The following CDK14 variants were observed in gnomAD, a reference collection of about 807,000 sequenced individuals.
CDK14 encodes cyclin dependent kinase 14, also known as cyclin-dependent kinase 14.
In CDK14, 34 loss-of-function variants were observed where a neutral mutation model predicts 60.7. The observed-to-expected ratio is 0.56, with a 90% confidence interval of 0.43 to 0.75. CDK14 has a LOEUF of 0.75. Ranked by LOEUF, CDK14 falls within the 30% of genes least tolerant of loss-of-function variation. The pLI is 0.00. For missense variants in CDK14, 482 were observed against 564.1 expected (o/e 0.85, Z 1.47); for synonymous variants, 197 against 203.7 (o/e 0.97, Z 0.28).
At chr7:90,672,536 T>TTTTTTTTTTTTTTTTA (rs1563039673) in intron 2 of CDK14, among the ~76,000 whole-genome samples, 1 of 101,726 alleles carries the variant, frequency 9.8e-6, no homozygotes, top group Non-Finnish European at 1.9e-5. Flanking sequence ...TTTTTTTTTT[T>TTTTTTTTTTTTTTTTA]AATAATTTGG....
chr7:90,701,717 A>G (rs763031405), intron 2 of CDK14, among the ~76,000 whole-genome samples: 1 of 152,196 alleles, frequency 6.6e-6, no homozygotes, highest in Non-Finnish European at 1.5e-5. Flanking sequence ...GTGGCTAAAG[A>G]AAGAAATAGA....
chr7:90,677,930 G>A (rs929730779), intron 2 of CDK14, among the ~76,000 whole-genome samples: 1 of 152,232 alleles, frequency 6.6e-6, no homozygotes, highest in Admixed American at 6.5e-5. Flanking sequence ...ATGATGCCCA[G>A]TGGTGCCAGC....
intron 10 of CDK14, among the ~76,000 whole-genome samples, chr7:91,003,838 T>C (rs802388): frequency 0.56 from 85,522 of 151,940 alleles, 24,582 homozygotes; most frequent in East Asian, 0.71. Flanking sequence ...AAATAGAAAA[T>C]GATTATGGGG....
At chr7:90,895,686 G>A (rs1042474482) in intron 6 of CDK14, among the ~76,000 whole-genome samples, 2 of 145,934 alleles carry the variant, frequency 1.4e-5, no homozygotes, top group East Asian at 2.0e-4. Context: ...TCAGCTTCCC[G>A]AGTAGCTGGG....
At chr7:90,640,361 C>G (rs1019592151) in intron 2 of CDK14, among the ~76,000 whole-genome samples, 3 of 151,724 alleles carry the variant, frequency 2.0e-5, no homozygotes, top group Admixed American at 1.3e-4. Flanking sequence ...AATATTAAAG[C>G]CTAGAGTTTT....
chr7:90,712,853 A>G (rs1380571691), intron 2 of CDK14, among the ~76,000 whole-genome samples: 2 of 152,098 alleles, frequency 1.3e-5, no homozygotes, highest in East Asian at 3.9e-4. Context: ...TCATAAGCAA[A>G]GACTGATCAT....
At chr7:90,630,498 T>G (rs941887418) in intron 2 of CDK14, among the ~76,000 whole-genome samples, 1 of 152,238 alleles carries the variant, frequency 6.6e-6, no homozygotes, top group African/African-American at 2.4e-5. Flanking sequence ...ATGCAACACA[T>G]GACTGTATTC....
chr7:90,873,868 T>C (rs1791459612), intron 6 of CDK14, among the ~76,000 whole-genome samples: 1 of 152,144 alleles, frequency 6.6e-6, no homozygotes, highest in Non-Finnish European at 1.5e-5. Flanking sequence ...GTACTCACCT[T>C]TTCCTGCCAC....
chr7:91,103,685 C>T (rs1439811132), intron 12 of CDK14, among the ~76,000 whole-genome samples: 1 of 152,194 alleles, frequency 6.6e-6, no homozygotes, highest in Non-Finnish European at 1.5e-5. Flanking sequence ...TCTATTCCAT[C>T]TTCCTCATTT....
At chr7:91,017,837 A>G (rs1778087697) in intron 10 of CDK14, among the ~76,000 whole-genome samples, 1 of 152,210 alleles carries the variant, frequency 6.6e-6, no homozygotes, top group African/African-American at 2.4e-5. Context: ...TTACAGGGCC[A>G]CTAGGGTACA....
At chr7:90,862,470 AAACATGT>A (rs371609877) in intron 5 of CDK14, among the ~76,000 whole-genome samples, 1 of 152,310 alleles carries the variant, frequency 6.6e-6, no homozygotes, top group African/African-American at 2.4e-5. Flanking sequence ...TACCAATCCT[AAACATGT>A]ATTCAGTAAA....
chr7:90,812,331 G>A lies in CDK14; in HGVS notation c.544+21679G>A, dbSNP rs539318368. Among the ~76,000 whole-genome samples the A allele has an allele frequency of 7.9e-5, 12 of 152,266 alleles. No homozygotes were observed. The South Asian group carries it at 2.3e-3, about 29-fold the overall frequency. The stretch of plus-strand genomic sequence containing the variant: ...TGTCTTTTGTATGGACATGGATGAA[G>A]CTGGAAACCATCATTCTCAGCAAAC... On this transcript the variant is annotated intron_variant, in intron 5 of 14. Transcript: ENST00000380050.
chr7:90,774,115 G>C (rs1006330907), intron 4 of CDK14, among the ~76,000 whole-genome samples: 13 of 151,830 alleles, frequency 8.6e-5, no homozygotes, highest in Non-Finnish European at 8.8e-5. Context: ...TGTTAGCCAG[G>C]CTGGTCACGA....
intron 9 of CDK14, among the ~76,000 whole-genome samples, chr7:90,962,370 C>T (rs1160867429): frequency 6.6e-6 from 1 of 152,032 alleles, no homozygotes. Context: ...CATGTAACCC[C>T]AGCTACTTGG....
At chr7:90,920,703 A>G (rs1435194861) in intron 8 of CDK14, among the ~76,000 whole-genome samples, 1 of 152,206 alleles carries the variant, frequency 6.6e-6, no homozygotes, top group Non-Finnish European at 1.5e-5. Flanking sequence ...GCTGTTTTCT[A>G]TATATAACAA....
At chr7:91,066,092 A>G (rs1797969169) in intron 11 of CDK14, among the ~76,000 whole-genome samples, 1 of 152,164 alleles carries the variant, frequency 6.6e-6, no homozygotes, top group Non-Finnish European at 1.5e-5. Flanking sequence ...CCAGCTCAGT[A>G]GGAGTGAATG....
intron 8 of CDK14, among the ~76,000 whole-genome samples, chr7:90,919,745 T>G (rs1464845776): frequency 1.3e-5 from 2 of 152,260 alleles, no homozygotes; most frequent in African/African-American, 4.8e-5. Context: ...TTTTTTTCAT[T>G]AATGGCCAAA....
At chr7:90,682,223 C>T (rs1041789172) in intron 2 of CDK14, among the ~76,000 whole-genome samples, 1 of 151,932 alleles carries the variant, frequency 6.6e-6, no homozygotes, top group African/African-American at 2.4e-5. Flanking sequence ...CAGTAATAAC[C>T]TAGAAAAATC....
intron 4 of CDK14, among the ~76,000 whole-genome samples, chr7:90,787,341 T>A (rs1584892753): frequency 6.6e-6 from 1 of 152,082 alleles, no homozygotes; most frequent in East Asian, 1.9e-4. Context: ...TTAAGGAATA[T>A]AAAAACTTAA....
Sources: gnomAD v4.1 joint callset for allele counts (sites outside exome capture counted in the v4.1 genomes callset) on GRCh38, gnomAD v4.1.1 for gene constraint, MANE v1.5 for transcripts, NCBI Gene and HGNC (gene_info 2026-07-23, HGNC 2026-07-21) for gene names.